GPATCH1: variants seen among roughly 807,000 people sequenced by gnomAD.
GPATCH1 encodes G-patch domain containing 1.
GPATCH1 carries 73 observed loss-of-function variants against 114.9 expected under a neutral mutation model. The observed-to-expected ratio is 0.64, with a 90% CI of 0.53 to 0.77. The LOEUF (loss-of-function observed/expected upper bound fraction) is 0.77. Among genes scored for constraint, GPATCH1 ranks in the 30% least tolerant of loss-of-function variants. GPATCH1 has a pLI of 0.00. For synonymous variants in GPATCH1, 391 were observed against 428.4 expected (o/e 0.91, Z 1.08); for missense variants, 1,058 against 1,144.3 (o/e 0.92, Z 1.09).
At chr19:33,109,681 C>T in intron 10 of GPATCH1, 36 bp from the exon 11 acceptor site, 2 of 1,355,994 alleles carry the variant, frequency 1.5e-6, no homozygotes, top group South Asian at 2.8e-5. Flanking sequence ...TGTCTCATGG[C>T]TCTTTTCATC....
At chr19:33,082,259 T>C (rs529923964) in intron 1 of GPATCH1, among the ~76,000 whole-genome samples, 1 of 152,292 alleles carries the variant, frequency 6.6e-6, no homozygotes, top group African/African-American at 2.4e-5. Flanking sequence ...TCTGTTCCAC[T>C]TAACGACTTG....
In GPATCH1 at chr19:33,101,478, A is replaced by G. The variant is rs1214247657; in HGVS notation, c.1001-17A>G. ...TCATCTCTACTTCTGGAATTAATCT[A>G]TGACATCATTTTGTAGAATCAGAGA... is the stretch of plus-strand genomic sequence containing the variant. On this transcript the variant is annotated splice_polypyrimidine_tract_variant and intron_variant, in intron 8 of 19. Coordinates refer to ENST00000170564, the MANE Select transcript of GPATCH1 (RefSeq NM_018025.3). 3.5e-6 allele frequency: 5 copies of G among 1,414,690 alleles called. No individual in the cohort carries two copies. The highest frequency in any genetic ancestry group is 5.0e-6 in the Non-Finnish European group (5 of 1,001,872). The allele number at this position is 1,414,690 out of a possible 1,614,324, so 87.6% of individuals were successfully genotyped here.
At chr19:33,092,020 A>T (rs1432172799) in intron 3 of GPATCH1, among the ~76,000 whole-genome samples, 1 of 151,394 alleles carries the variant, frequency 6.6e-6, no homozygotes, top group East Asian at 1.9e-4. Flanking sequence ...GTTGTTCAAG[A>T]GAACTTTCCT....
intron 8 of GPATCH1, among the ~76,000 whole-genome samples, chr19:33,098,238 T>C (rs7249097): frequency 0.57 from 86,183 of 152,030 alleles, 29,249 homozygotes; most frequent in East Asian, 0.99. Context: ...ACTGGGCAGG[T>C]GGCCAAAGGA....
chr19:33,120,953 GC>G lies in GPATCH1; in HGVS notation c.2521+1837del, dbSNP rs1312917781. ...TGCAGTGAGCCAAGATCGCACCACT[GC>G]ACTCCAGCCTGGGCGACAGAGCAAG... is the stretch of plus-strand genomic sequence containing the variant. On this transcript the variant is annotated intron_variant, in intron 17 of 19. Coordinates refer to ENST00000170564, the MANE Select transcript of GPATCH1 (RefSeq NM_018025.3). Among the ~76,000 whole-genome samples the G allele has an allele frequency of 7.3e-5, 11 of 151,694 alleles. No homozygotes were observed. In the South Asian group the frequency reaches 1.2e-3, roughly 17 times the overall value.
chr19:33,096,012 C>T (rs565690316), intron 6 of GPATCH1, among the ~76,000 whole-genome samples, 192 bp downstream of exon 6: 15 of 152,202 alleles, frequency 9.9e-5, no homozygotes, highest in Non-Finnish European at 1.9e-4. Context: ...ATACCCAGGT[C>T]TGTTCAGCTT....
intron 1 of GPATCH1, among the ~76,000 whole-genome samples, 194 bp from the exon 2 acceptor site, chr19:33,087,940 C>T (rs1161390873): frequency 1.3e-5 from 2 of 151,930 alleles, no homozygotes; most frequent in Non-Finnish European, 2.9e-5. Context: ...ATCATTATTA[C>T]ATAAGCTTAT....
At chr19:33,107,870 C>T (rs990403344) in intron 10 of GPATCH1, among the ~76,000 whole-genome samples, 4 of 150,772 alleles carry the variant, frequency 2.7e-5, no homozygotes, top group Non-Finnish European at 5.9e-5. Flanking sequence ...TTTTATTATA[C>T]TTTAAGTTCT....
chr19:33,118,753 C>T (rs1000249059), intron 16 of GPATCH1, among the ~76,000 whole-genome samples: 4 of 152,154 alleles, frequency 2.6e-5, no homozygotes, highest in African/African-American at 9.7e-5. Flanking sequence ...GCTACGTGCC[C>T]ACGGGTGCAC....
At position 33,094,106 on chromosome 19, in the gene GPATCH1, C is replaced by T. The variant is rs112851995; in HGVS notation, c.456-66C>T. 2.8e-4 allele frequency: 256 copies of T among 899,586 alleles called. No individual in the cohort carries two copies. The African/African-American group carries it at 3.4e-3, about 12-fold the overall frequency. 55.7% of individuals were successfully genotyped at this position (899,586 alleles called of 1,614,324 possible). ...AGGAACTGAGCAGGAACTCAGAAGC[C>T]GCTTATTTCATATTCTTTGTTAATG... is the stretch of plus-strand genomic sequence containing the variant. On this transcript the variant is annotated intron_variant, in intron 4 of 19. Coordinates refer to ENST00000170564, the MANE Select transcript of GPATCH1 (RefSeq NM_018025.3).
At chr19:33,084,853 G>T (rs1008263803) in intron 1 of GPATCH1, among the ~76,000 whole-genome samples, 19 of 151,736 alleles carry the variant, frequency 1.3e-4, no homozygotes, top group Non-Finnish European at 2.1e-4. Flanking sequence ...TAGAGGCGGG[G>T]TTTCACAATG....
chr19:33,111,613 G>A, intron 11 of GPATCH1, 111 bp from the exon 12 acceptor site: 2 of 930,450 alleles, frequency 2.1e-6, no homozygotes, highest in South Asian at 3.2e-5. Flanking sequence ...TAAAAACAAG[G>A]ATAAGGACTT....
chr19:33,108,403 T>C (rs556864485), intron 10 of GPATCH1, among the ~76,000 whole-genome samples: 1 of 152,054 alleles, frequency 6.6e-6, no homozygotes, highest in African/African-American at 2.4e-5. Flanking sequence ...GTCTTCCTCC[T>C]CCTTTCCTCC....
chr19:33,126,839 G>A (rs755548447), intron 19 of GPATCH1, 106 bp downstream of exon 19: 25 of 951,904 alleles, frequency 2.6e-5, no homozygotes, highest in Middle Eastern at 5.5e-4. Context: ...CTGGTAGGCC[G>A]GGTGCAGTGG....
In GPATCH1 at chr19:33,115,517, G is replaced by C. The variant is rs1275324436; in HGVS notation, c.2196+1098G>C. Among the ~76,000 whole-genome samples, 6 of 130,930 alleles carry C rather than the reference G, an allele frequency of 4.6e-5. No individual in the cohort carries two copies. In the South Asian group the frequency reaches 7.4e-4, roughly 16 times the overall value. The allele number at this position is 130,930 out of a possible 152,430, so 85.9% of individuals were successfully genotyped here. On this transcript the variant is annotated intron_variant, in intron 15 of 19. Transcript: ENST00000170564. ...GGGTTTCTTTTTTTTTTTTTGAGAT[G>C]AAGTTTTACTCTTCTTGCCCAGGCT...
chr19:33,081,220 A>G lies in GPATCH1; in HGVS notation c.27A>G (p.Glu9=), dbSNP rs759672129. 5.0e-5 allele frequency: 78 copies of G among 1,551,666 alleles called. No homozygotes were observed. The highest frequency in any genetic ancestry group is 2.5e-4 in the South Asian group (21 of 84,072). ...TGGCGGCGCGGGACAGTGACAGCGA[A>G]GAAGATCTGGTCAGCTATGGGACCG... The part of the protein sequence containing the change: MAARDSDS[E]EDLVSYGTGL... The change falls in exon 1 of 20, where the codon GAA becomes GAG. Residue 9 remains glutamate, a synonymous_variant. Transcript: ENST00000170564.
chr19:33,127,251 G>A (rs1432320941), intron 19 of GPATCH1, among the ~76,000 whole-genome samples: 5 of 152,076 alleles, frequency 3.3e-5, no homozygotes, highest in Non-Finnish European at 5.9e-5. Flanking sequence ...AGGCGCGGTG[G>A]CTCATGCCTG....
At chr19:33,107,544 G>A (rs527913946) in intron 10 of GPATCH1, among the ~76,000 whole-genome samples, 3 of 152,244 alleles carry the variant, frequency 2.0e-5, no homozygotes, top group East Asian at 1.9e-4. Flanking sequence ...CTCTTCTCCC[G>A]AAAGTCTGAA....
intron 10 of GPATCH1, among the ~76,000 whole-genome samples, chr19:33,108,782 G>C (rs1972816353): frequency 6.6e-6 from 1 of 152,184 alleles, no homozygotes; most frequent in South Asian, 2.1e-4. Context: ...ATTGGTGAGG[G>C]CTTGCTGGGG....
Sources: gnomAD v4.1 joint callset for allele counts (sites outside exome capture counted in the v4.1 genomes callset) on GRCh38, gnomAD v4.1.1 for gene constraint, MANE v1.5 for transcripts, NCBI Gene and HGNC (gene_info 2026-07-23, HGNC 2026-07-21) for gene names.